SPMIP2: variants seen among roughly 807,000 people sequenced by gnomAD.
SPMIP2 encodes the protein sperm microtubule inner protein 2.
chr4:158,960,233 C>T, the SPMIP2 span: 1 of 1,056,100 alleles, frequency 9.5e-7, no homozygotes, highest in Non-Finnish European at 1.4e-6. Flanking sequence ...ATCCTGTTAC[C>T]AATTTAGGAA....
chr4:158,951,533 G>A, the SPMIP2 span, among the ~76,000 whole-genome samples: 3 of 152,270 alleles, frequency 2.0e-5, no homozygotes, highest in South Asian at 4.2e-4. Flanking sequence ...CAGATTGATC[G>A]AATGAAGAAT....
chr4:158,975,988 G>A, the SPMIP2 span, among the ~76,000 whole-genome samples: 3 of 152,156 alleles, frequency 2.0e-5, no homozygotes, highest in African/African-American at 7.2e-5. Flanking sequence ...ACAGTGGTTT[G>A]TAGTTCTCCT....
chr4:159,002,682 C>T, the SPMIP2 span, among the ~76,000 whole-genome samples: 6 of 152,002 alleles, frequency 3.9e-5, no homozygotes, highest in Non-Finnish European at 7.4e-5. Context: ...ATATGGATAT[C>T]CAGTTATTTT....
At chr4:158,943,686 C>T in the SPMIP2 span, among the ~76,000 whole-genome samples, 2 of 151,936 alleles carry the variant, frequency 1.3e-5, no homozygotes, top group Non-Finnish European at 1.5e-5. Flanking sequence ...AAGTGCATTC[C>T]TACCTACATA....
the SPMIP2 span, among the ~76,000 whole-genome samples, chr4:159,070,346 A>G: frequency 6.6e-6 from 1 of 152,224 alleles, no homozygotes; most frequent in Non-Finnish European, 1.5e-5. Context: ...CAAGGGTAAT[A>G]TATACACTGG....
the SPMIP2 span, among the ~76,000 whole-genome samples, chr4:159,013,902 C>G: frequency 6.6e-6 from 1 of 151,706 alleles, no homozygotes; most frequent in Non-Finnish European, 1.5e-5. Flanking sequence ...AGTAAATTTA[C>G]TGGGACAGAG....
chr4:158,983,036 C>T, the SPMIP2 span, among the ~76,000 whole-genome samples: 10 of 152,026 alleles, frequency 6.6e-5, no homozygotes, highest in Non-Finnish European at 1.2e-4. Context: ...GGAGCCGATG[C>T]GATCAACTGG....
the SPMIP2 span, among the ~76,000 whole-genome samples, chr4:158,919,653 G>A: frequency 6.6e-6 from 1 of 152,164 alleles, no homozygotes. Flanking sequence ...TTGAAATTAT[G>A]TAAAAATTCT....
the SPMIP2 span, chr4:159,007,721 C>G: frequency 3.0e-6 from 2 of 669,038 alleles, no homozygotes; most frequent in African/African-American, 1.8e-5. Flanking sequence ...ATGGGGAGCT[C>G]AGGGCCATGG....
chr4:159,052,386 C>CAAT, the SPMIP2 span, among the ~76,000 whole-genome samples: 4 of 151,942 alleles, frequency 2.6e-5, no homozygotes, highest in Non-Finnish European at 5.9e-5. Context: ...ACAACAACAA[C>CAAT]AACAACAACC....
At chr4:159,050,718 C>G in the SPMIP2 span, among the ~76,000 whole-genome samples, 1 of 151,634 alleles carries the variant, frequency 6.6e-6, no homozygotes, top group Non-Finnish European at 1.5e-5. Flanking sequence ...ATCACTTGAA[C>G]CCAGGAGTTC....
At chr4:158,977,392 C>CA in the SPMIP2 span, among the ~76,000 whole-genome samples, 1 of 152,012 alleles carries the variant, frequency 6.6e-6, no homozygotes, top group African/African-American at 2.4e-5. Context: ...GAGGTGTTTA[C>CA]AGTATTCTCT....
At chr4:159,005,667 T>C in the SPMIP2 span, among the ~76,000 whole-genome samples, 1 of 152,164 alleles carries the variant, frequency 6.6e-6, no homozygotes, top group Non-Finnish European at 1.5e-5. Context: ...AAAGAAAAAA[T>C]GTAAACATTT....
the SPMIP2 span, among the ~76,000 whole-genome samples, chr4:159,049,962 T>C: frequency 6.6e-6 from 1 of 152,210 alleles, no homozygotes; most frequent in Non-Finnish European, 1.5e-5. Context: ...TTAAAGCTTC[T>C]TGATAGATAT....
At chr4:159,070,993 ATT>A in the SPMIP2 span, among the ~76,000 whole-genome samples, 2 of 152,104 alleles carry the variant, frequency 1.3e-5, no homozygotes, top group Admixed American at 1.3e-4. Flanking sequence ...TGGCAACATG[ATT>A]TTCAGAAAGA....
chr4:158,961,190 CA>C, the SPMIP2 span, among the ~76,000 whole-genome samples: 1 of 152,036 alleles, frequency 6.6e-6, no homozygotes, highest in Non-Finnish European at 1.5e-5. Context: ...CAAAAAGTGG[CA>C]AAATCCTATT....
chr4:158,923,690 T>G, the SPMIP2 span, among the ~76,000 whole-genome samples: 1 of 152,232 alleles, frequency 6.6e-6, no homozygotes, highest in Non-Finnish European at 1.5e-5. Flanking sequence ...TTCTCCAATA[T>G]GATGCCTTTT....
At chr4:158,956,203 T>A in the SPMIP2 span, among the ~76,000 whole-genome samples, 1 of 152,254 alleles carries the variant, frequency 6.6e-6, no homozygotes, top group Non-Finnish European at 1.5e-5. Context: ...TCCCTTTCAT[T>A]TCTCAGTTGT....
the SPMIP2 span, among the ~76,000 whole-genome samples, chr4:159,046,564 TTTTG>T: frequency 1.7e-3 from 262 of 152,280 alleles, 1 homozygote; most frequent in African/African-American, 5.6e-3. Flanking sequence ...TTGTTTTGTT[TTTTG>T]TTTGTTTGTT....
Sources: gnomAD v4.1 joint callset for allele counts (sites outside exome capture counted in the v4.1 genomes callset) on GRCh38, gnomAD v4.1.1 for gene constraint, MANE v1.5 for transcripts, NCBI Gene and HGNC (gene_info 2026-07-23, HGNC 2026-07-21) for gene names.